The following LRPPRC variants were observed in gnomAD, a reference collection of about 807,000 sequenced individuals.
The protein encoded by LRPPRC is leucine-rich PPR motif-containing protein, mitochondrial.
A neutral mutation model predicts 180.3 loss-of-function variants in LRPPRC; 120 were observed. That is an observed-to-expected ratio of 0.67 (90% CI 0.57 to 0.77). The LOEUF is 0.77. Among genes scored for constraint, LRPPRC ranks in the 30% least tolerant of loss-of-function variants. The pLI is 0.00. For synonymous variants in LRPPRC, 723 were observed against 600.0 expected, an observed-to-expected ratio of 1.21 and a Z score of -3.00; for missense variants, 2,012 against 1,657.2, an observed-to-expected ratio of 1.21 and a Z score of -3.72.
chr2:43,960,701 C>T (rs1247925083), intron 12 of LRPPRC, 67 bp from the exon 13 acceptor site: 10 of 807,782 alleles, frequency 1.2e-5, no homozygotes, highest in Non-Finnish European at 2.2e-5. Flanking sequence ...GCCAAAGATC[C>T]TGTTTTCCTG....
intron 5 of LRPPRC, among the ~76,000 whole-genome samples, chr2:43,976,444 CA>C (rs1196545578): frequency 2.6e-5 from 4 of 152,100 alleles, no homozygotes; most frequent in Admixed American, 6.5e-5. Flanking sequence ...ACTATCGATA[CA>C]AATACTAGAT....
At chr2:43,943,406 C>T (rs1481108601) in intron 23 of LRPPRC, among the ~76,000 whole-genome samples, 2 of 151,978 alleles carry the variant, frequency 1.3e-5, no homozygotes, top group Non-Finnish European at 2.9e-5. Flanking sequence ...ATTAATAACA[C>T]TTATCAGGCT....
chr2:43,956,259 A>C (rs1673110285), intron 14 of LRPPRC, among the ~76,000 whole-genome samples: 1 of 152,236 alleles, frequency 6.6e-6, no homozygotes, highest in Non-Finnish European at 1.5e-5. Context: ...TTGACTCCTC[A>C]GTCAAAAAGT....
In LRPPRC at chr2:43,918,416, G is replaced by A. The variant is rs1411264615; in HGVS notation, c.2897-18C>T. ...GTTTATTTCTGTAGAATTTGATTAA[G>A]CAGAAATTAATCAATAAATATGCTA... is the stretch of plus-strand genomic sequence containing the variant. On this transcript the variant is annotated intron_variant, in intron 27 of 37. Coordinates refer to ENST00000260665, the MANE Select transcript of LRPPRC (RefSeq NM_133259.4). 6.4e-7 allele frequency: 1 copy of A among 1,572,922 alleles called. No homozygotes were observed. The highest frequency in any genetic ancestry group is 8.7e-7 in the Non-Finnish European group (1 of 1,143,220).
In LRPPRC at chr2:43,954,521, A is replaced by G. The variant is rs547656058; in HGVS notation, c.1649+2864T>C. On this transcript the variant is annotated intron_variant, in intron 14 of 37. Transcript: ENST00000260665. ...GGTAGAAGTGTGAATTGCTAATCTA[A>G]GTATGAGCTAATACAACTTTTTCTG... Among the ~76,000 whole-genome samples, 9 of 152,332 alleles carry G rather than the reference A, an allele frequency of 5.9e-5. No individual in the cohort carries two copies. The East Asian group carries it at 1.7e-3, about 29-fold the overall frequency.
rs374607781 is a variant in LRPPRC, at chr2:43,981,766, C to A, written c.346+472G>T. Among the ~76,000 whole-genome samples, 88 of 152,030 alleles carry A rather than the reference C, an allele frequency of 5.8e-4. 2 individuals carry two copies. The South Asian group carries it at 0.017, about 30-fold the overall frequency. On this transcript the variant is annotated intron_variant, in intron 2 of 37. Transcript: ENST00000260665. ...ATAAATGACAATCAACAGAATATAA[C>A]AAAGAAAATTAAAGTATCAAATAAT...
At chr2:43,948,254 A>C in intron 17 of LRPPRC, 55 bp from the exon 18 acceptor site, 2 of 1,021,004 alleles carry the variant, frequency 2.0e-6, no homozygotes, top group South Asian at 2.5e-5. Flanking sequence ...AACCAAACTG[A>C]AATTTGTCTA....
Position 43,934,821 on chromosome 2 carries a change from T to C in LRPPRC, c.2562A>G (p.Val854=), listed in dbSNP as rs4494798. 0.017 allele frequency: 27,406 copies of C among 1,611,718 alleles called. 482 individuals carry two copies. Among genetic ancestry groups the C allele is most frequent in the South Asian group, 0.07 (6,380 of 91,010 alleles). The change falls in exon 24 of 38, where the codon GTA becomes GTG. Residue 854 remains valine (V), a synonymous_variant. Coordinates refer to ENST00000260665, the MANE Select transcript of LRPPRC (RefSeq NM_133259.4). ...ACAAGACATCATGAATCCTTGGTAA[T>C]ACTTTATACTTTTCATAGCAGTCAA... The part of the protein sequence containing the change: ...VAIDCYEKYK[V]LPRIHDVLCK...
chr2:43,927,829 TA>T (rs1418592713), intron 25 of LRPPRC, among the ~76,000 whole-genome samples: 1 of 152,246 alleles, frequency 6.6e-6, no homozygotes, highest in Non-Finnish European at 1.5e-5. Context: ...TGTTTTCATA[TA>T]TAAATCTCAA....
Position 43,957,461 on chromosome 2 carries a change from A to C in LRPPRC, c.1583-10T>G, listed in dbSNP as rs967910509. 1.2e-6 allele frequency: 2 copies of C among 1,604,264 alleles called. No individual in the cohort carries two copies. The highest frequency in any genetic ancestry group is 1.7e-6 in the Non-Finnish European group (2 of 1,171,030). The stretch of plus-strand genomic sequence containing the variant: ...AATGTATTTGATTTCACTGCAAAAG[A>C]AAATGACCATCATTAAATCTCAGAC... On this transcript the variant is annotated splice_polypyrimidine_tract_variant and intron_variant, in intron 13 of 37. Coordinates refer to ENST00000260665, the MANE Select transcript of LRPPRC (RefSeq NM_133259.4).
chr2:43,952,417 C>CA (rs1559000119), intron 14 of LRPPRC, among the ~76,000 whole-genome samples: 1 of 152,164 alleles, frequency 6.6e-6, no homozygotes, highest in Admixed American at 6.5e-5. Context: ...TTGTAAGGAA[C>CA]AGTTACCAGT....
At chr2:43,959,977 C>T (rs778318115) in intron 13 of LRPPRC, among the ~76,000 whole-genome samples, 1 of 152,148 alleles carries the variant, frequency 6.6e-6, no homozygotes, top group Non-Finnish European at 1.5e-5. Flanking sequence ...AATCACTAAC[C>T]TTGGGCAAAT....
chr2:43,981,812 C>T (rs964673559), intron 2 of LRPPRC, among the ~76,000 whole-genome samples: 21 of 151,986 alleles, frequency 1.4e-4, no homozygotes, highest in Non-Finnish European at 4.4e-5. Context: ...ATGAGCTTAC[C>T]CTCAAGTATT....
chr2:43,889,037 C>T (rs1249243954), intron 37 of LRPPRC, among the ~76,000 whole-genome samples: 2 of 152,120 alleles, frequency 1.3e-5, no homozygotes, highest in Non-Finnish European at 2.9e-5. Flanking sequence ...AGAAAACATG[C>T]CGGGCACAGT....
intron 23 of LRPPRC, among the ~76,000 whole-genome samples, chr2:43,936,083 CAA>C (rs112488449): frequency 7.4e-6 from 1 of 135,756 alleles, no homozygotes. Flanking sequence ...AACTCTGTTT[CAA>C]AAAAAAAAAA....
At chr2:43,924,977 C>T (rs568415865) in intron 27 of LRPPRC, 90 bp downstream of exon 27, 50 of 802,550 alleles carry the variant, frequency 6.2e-5, no homozygotes, top group Non-Finnish European at 1.0e-4. Context: ...TTCTGACAAT[C>T]CCTGGAGCTC....
intron 30 of LRPPRC, among the ~76,000 whole-genome samples, chr2:43,908,091 A>G (rs1214167260): frequency 6.6e-6 from 1 of 152,228 alleles, no homozygotes; most frequent in Admixed American, 6.5e-5. Flanking sequence ...TCAGTGACAG[A>G]TATAGCATTA....
chr2:43,937,231 T>A (rs912384536), intron 23 of LRPPRC, among the ~76,000 whole-genome samples: 1 of 151,844 alleles, frequency 6.6e-6, no homozygotes, highest in African/African-American at 2.4e-5. Context: ...AATGGCAAAA[T>A]GGAAATAATT....
chr2:43,985,948 G>A (rs1674509364), intron 1 of LRPPRC, among the ~76,000 whole-genome samples: 3 of 152,176 alleles, frequency 2.0e-5, no homozygotes, highest in Admixed American at 6.6e-5. Context: ...GAGAGTTCCT[G>A]TTGTCCTACA....
Sources: gnomAD v4.1 joint callset for allele counts (sites outside exome capture counted in the v4.1 genomes callset) on GRCh38, gnomAD v4.1.1 for gene constraint, MANE v1.5 for transcripts, NCBI Gene and HGNC (gene_info 2026-07-23, HGNC 2026-07-21) for gene names.